Variants in ATP8B1 observed in about 807,000 individuals in gnomAD.
ATP8B1 encodes ATPase phospholipid transporting 8B1, also known as phospholipid-transporting ATPase IC.
Under a neutral mutation model 149.9 loss-of-function variants are expected in ATP8B1, and 80 were observed. The ratio of observed to expected loss-of-function variants is 0.53; its 90% CI spans 0.45 to 0.64. The LOEUF is 0.64. Among genes scored for constraint, ATP8B1 ranks in the 30% least tolerant of loss-of-function variants. The pLI is 0.00. For synonymous variants in ATP8B1, 536 were observed against 562.8 expected, an observed-to-expected ratio of 0.95 and a Z score of 0.67; for missense variants, 1,247 against 1,552.6, an observed-to-expected ratio of 0.80 and a Z score of 3.31.
Position 57,666,320 on chromosome 18 carries a change from G to C in ATP8B1, c.2285+772C>G, listed in dbSNP as rs571356089. Among the ~76,000 whole-genome samples, 8 of 151,990 alleles carry C rather than the reference G, an allele frequency of 5.3e-5. No individual in the cohort carries two copies. The South Asian group carries it at 1.7e-3, about 32-fold the overall frequency. ...CATATGCTAACATTTGAATTATCAG[G>C]CCTGCCCCACCTAGACTAGATTACA... On this transcript the variant is annotated intron_variant, in intron 20 of 27. Transcript: ENST00000648908.
intron 1 of ATP8B1, among the ~76,000 whole-genome samples, chr18:57,746,407 G>T (rs2079963668): frequency 6.6e-6 from 1 of 151,184 alleles, no homozygotes; most frequent in South Asian, 2.1e-4. Flanking sequence ...TTGTCCTGGT[G>T]CTGTTCAAAG....
intron 1 of ATP8B1, among the ~76,000 whole-genome samples, chr18:57,768,214 C>T (rs1239156183): frequency 6.6e-6 from 1 of 151,606 alleles, no homozygotes; most frequent in Non-Finnish European, 1.5e-5. Context: ...AGTGAAACCC[C>T]ATCTCTACTA....
intron 1 of ATP8B1, among the ~76,000 whole-genome samples, chr18:57,756,647 T>C (rs1363934861): frequency 1.2e-5 from 1 of 81,430 alleles, no homozygotes; most frequent in Non-Finnish European, 2.9e-5. Flanking sequence ...AAGAATATGG[T>C]ATTCCTTCTC....
chr18:57,726,808 A>G (rs1387798896), intron 2 of ATP8B1, among the ~76,000 whole-genome samples: 1 of 152,218 alleles, frequency 6.6e-6, no homozygotes, highest in Non-Finnish European at 1.5e-5. Flanking sequence ...GGCCGGGCAC[A>G]GTGGTTCATG....
At chr18:57,727,830 A>G (rs149260790) in intron 2 of ATP8B1, among the ~76,000 whole-genome samples, 1 of 152,174 alleles carries the variant, frequency 6.6e-6, no homozygotes, top group East Asian at 1.9e-4. Context: ...CTCCAAAAAT[A>G]CAAAAACTAG....
intron 1 of ATP8B1, among the ~76,000 whole-genome samples, chr18:57,797,951 G>A (rs1286319925): frequency 6.6e-6 from 1 of 151,952 alleles, no homozygotes; most frequent in Non-Finnish European, 1.5e-5. Context: ...TGATCCACCC[G>A]CCTTGGTTTC....
intron 1 of ATP8B1, among the ~76,000 whole-genome samples, chr18:57,744,307 CAAAAA>C (rs10680324): frequency 2.7e-4 from 26 of 97,882 alleles, no homozygotes; most frequent in Non-Finnish European, 3.9e-4. Flanking sequence ...GAGACTGTCT[CAAAAA>C]AAAAAAAAAA....
At chr18:57,720,972 C>T (rs1281197806) in intron 2 of ATP8B1, among the ~76,000 whole-genome samples, 4 of 140,990 alleles carry the variant, frequency 2.8e-5, no homozygotes, top group East Asian at 2.2e-4. Flanking sequence ...ATTTTCAACC[C>T]AGAATTTCAT....
intron 22 of ATP8B1, among the ~76,000 whole-genome samples, chr18:57,660,362 G>C (rs1056052138): frequency 2.0e-5 from 3 of 152,140 alleles, no homozygotes; most frequent in African/African-American, 7.2e-5. Flanking sequence ...CTCACACCAG[G>C]TGACCCAATG....
At chr18:57,654,199 G>C (rs1031022756) in intron 23 of ATP8B1, 124 bp from the exon 24 acceptor site, 19 of 888,006 alleles carry the variant, frequency 2.1e-5, no homozygotes, top group Non-Finnish European at 2.9e-5. Context: ...AGAGATGGGG[G>C]TCTTGCTATG....
intron 15 of ATP8B1, among the ~76,000 whole-genome samples, chr18:57,680,264 C>T (rs868431332): frequency 4.7e-4 from 32 of 68,584 alleles, no homozygotes; most frequent in Non-Finnish European, 6.3e-4. Flanking sequence ...GCAACAGGAG[C>T]GAGACTCAGT....
chr18:57,743,478 A>G (rs763012037), intron 1 of ATP8B1, among the ~76,000 whole-genome samples: 3 of 152,224 alleles, frequency 2.0e-5, no homozygotes, highest in Admixed American at 6.5e-5. Context: ...TCTAAAATGT[A>G]AAATGCTTCC....
intron 2 of ATP8B1, among the ~76,000 whole-genome samples, chr18:57,725,405 A>G (rs1014873067): frequency 4.6e-5 from 7 of 152,340 alleles, no homozygotes; most frequent in Non-Finnish European, 1.0e-4. Flanking sequence ...GAAAAATGGA[A>G]TGATATTCCA....
chr18:57,654,467 C>T (rs1007817601), intron 23 of ATP8B1, among the ~76,000 whole-genome samples: 82 of 149,658 alleles, frequency 5.5e-4, no homozygotes, highest in African/African-American at 1.7e-3. Context: ...TACAGGCACA[C>T]GCCACCATGT....
chr18:57,668,644 A>G (rs1031846180), intron 18 of ATP8B1, 104 bp from the exon 19 acceptor site: 1 of 715,150 alleles, frequency 1.4e-6, no homozygotes, highest in African/African-American at 1.8e-5. Context: ...CTAATTATAC[A>G]TCCTGGTTGC....
chr18:57,696,756 GCCTCCGATT>G (rs1040636750), intron 8 of ATP8B1, among the ~76,000 whole-genome samples: 21 of 152,270 alleles, frequency 1.4e-4, no homozygotes, highest in African/African-American at 5.1e-4. Flanking sequence ...ACCTCCCTGG[GCCTCCGATT>G]CCTCATGGGT....
At chr18:57,778,426 T>G (rs1487583790) in intron 1 of ATP8B1, among the ~76,000 whole-genome samples, 1 of 151,848 alleles carries the variant, frequency 6.6e-6, no homozygotes, top group Non-Finnish European at 1.5e-5. Context: ...GAGACGGGGT[T>G]TCACCATGTT....
chr18:57,777,626 C>G (rs558913328), intron 1 of ATP8B1, among the ~76,000 whole-genome samples: 2 of 151,954 alleles, frequency 1.3e-5, no homozygotes, highest in African/African-American at 4.8e-5. Flanking sequence ...TGGAGTGCAC[C>G]GGTGGGATCT....
chr18:57,650,217 A>G, intron 27 of ATP8B1, 150 bp downstream of exon 27: 1 of 1,016,218 alleles, frequency 9.8e-7, no homozygotes, highest in South Asian at 1.4e-5. Context: ...CAAAAGACTT[A>G]TTTGTGAGAT....
Sources: gnomAD v4.1 joint callset for allele counts (sites outside exome capture counted in the v4.1 genomes callset) on GRCh38, gnomAD v4.1.1 for gene constraint, MANE v1.5 for transcripts, NCBI Gene and HGNC (gene_info 2026-07-23, HGNC 2026-07-21) for gene names.